Variants in KBTBD12 observed in about 807,000 individuals in gnomAD.
The protein encoded by KBTBD12 is kelch repeat and BTB domain-containing protein 12.
A neutral mutation model predicts 58.7 loss-of-function variants in KBTBD12; 53 were observed. The observed-to-expected ratio is 0.90, with a 90% confidence interval of 0.72 to 1.14. The LOEUF (loss-of-function observed/expected upper bound fraction) is 1.14, where lower values mean the gene tolerates loss of function less well. Among genes scored for constraint, KBTBD12 ranks in the 50% most tolerant of loss-of-function variants. The pLI is 0.00. For synonymous variants in KBTBD12, 236 were observed against 259.8 expected (o/e 0.91, Z 0.88); for missense variants, 704 against 751.3 (o/e 0.94, Z 0.74).
In KBTBD12 at chr3:127,930,190, C is replaced by G. The variant is rs376260365; in HGVS notation, c.1399C>G (p.Pro467Ala). The G allele has an allele frequency of 1.2e-6, 2 of 1,605,634 alleles. No homozygotes were observed. The highest frequency in any genetic ancestry group is 1.7e-5 in the Admixed American group (1 of 58,852). The stretch of plus-strand genomic sequence containing the variant: ...AAGCAACAAACTGTTGCAGTATGAC[C>G]CCAGCCAAGATCAATGGAGTGTGCG... Reference protein sequence around the residue: ...RLSNKLLQYDPSQDQWSVRAP... With the variant: ...RLSNKLLQYDASQDQWSVRAP... The change falls in exon 4 of 6, where the codon CCC becomes GCC. Residue 467 changes from proline (P) to alanine (A), a missense_variant. By Grantham distance (27) the Pro-to-Ala change is conservative. Coordinates refer to ENST00000405109, the MANE Select transcript of KBTBD12 (RefSeq NM_207335.4).
At chr3:127,937,982 T>A (rs1399031999) in intron 4 of KBTBD12, among the ~76,000 whole-genome samples, 1 of 152,020 alleles carries the variant, frequency 6.6e-6, no homozygotes, top group Non-Finnish European at 1.5e-5. Context: ...ACGGATGAAA[T>A]AAAGACATTT....
intron 4 of KBTBD12, among the ~76,000 whole-genome samples, chr3:127,944,980 A>G (rs964727306): frequency 1.3e-5 from 2 of 151,568 alleles, no homozygotes; most frequent in African/African-American, 2.4e-5. Flanking sequence ...TCCCAGGCTC[A>G]GGTGCTCTTC....
At chr3:127,982,145 A>C (rs1259866219) in intron 5 of KBTBD12, among the ~76,000 whole-genome samples, 1 of 152,180 alleles carries the variant, frequency 6.6e-6, no homozygotes, top group Non-Finnish European at 1.5e-5. Flanking sequence ...TGGTTCAGTT[A>C]GCAGGAGGAA....
At chr3:127,937,437 A>T (rs148265839) in intron 4 of KBTBD12, among the ~76,000 whole-genome samples, 2 of 152,286 alleles carry the variant, frequency 1.3e-5, no homozygotes, top group Middle Eastern at 3.4e-3. Context: ...ACACAAAGAT[A>T]AAGAGAAAAT....
At chr3:127,916,187 CTTAT>C (rs761037362) in intron 1 of KBTBD12, among the ~76,000 whole-genome samples, 9 of 152,162 alleles carry the variant, frequency 5.9e-5, no homozygotes, top group Admixed American at 3.3e-4. Context: ...GAAAACTGGT[CTTAT>C]TTGTCTTTAT....
intron 5 of KBTBD12, among the ~76,000 whole-genome samples, chr3:127,981,801 G>A (rs577716764): frequency 1.3e-5 from 2 of 152,272 alleles, no homozygotes; most frequent in South Asian, 2.1e-4. Flanking sequence ...TTAGCTGGGA[G>A]TGGTGGCGGG....
chr3:127,951,906 A>G (rs1940212575), intron 4 of KBTBD12, among the ~76,000 whole-genome samples: 1 of 148,624 alleles, frequency 6.7e-6, no homozygotes, highest in South Asian at 2.3e-4. Context: ...ACTCTTAAGT[A>G]GATAAGCTAC....
At chr3:127,929,902 T>C (rs1939662307) in intron 3 of KBTBD12, among the ~76,000 whole-genome samples, 1 of 152,044 alleles carries the variant, frequency 6.6e-6, no homozygotes, top group African/African-American at 2.4e-5. Context: ...AGATCACAAA[T>C]TGTTTGCTAT....
At chr3:127,949,417 C>G (rs2107603234) in intron 4 of KBTBD12, among the ~76,000 whole-genome samples, 1 of 152,228 alleles carries the variant, frequency 6.6e-6, no homozygotes, top group Non-Finnish European at 1.5e-5. Flanking sequence ...TAATTTATCT[C>G]TAAATGAGGG....
intron 5 of KBTBD12, among the ~76,000 whole-genome samples, chr3:127,977,918 T>C: frequency 6.6e-6 from 1 of 152,246 alleles, no homozygotes; most frequent in East Asian, 1.9e-4. Flanking sequence ...ATGTCCAGAA[T>C]GGTATTTCCT....
intron 4 of KBTBD12, among the ~76,000 whole-genome samples, chr3:127,949,915 G>A (rs913117541): frequency 2.0e-5 from 3 of 152,168 alleles, no homozygotes; most frequent in Non-Finnish European, 2.9e-5. Flanking sequence ...AGCTAATTTT[G>A]ACCTCTGACT....
chr3:127,928,170 T>A, intron 3 of KBTBD12, 136 bp downstream of exon 3: 1 of 742,172 alleles, frequency 1.3e-6, no homozygotes, highest in Non-Finnish European at 2.2e-6. Flanking sequence ...TTATAGAATA[T>A]AACTCAAGGT....
intron 2 of KBTBD12, 71 bp from the exon 3 acceptor site, chr3:127,927,693 A>G (rs1939608347): frequency 4.4e-6 from 5 of 1,129,700 alleles, no homozygotes; most frequent in Non-Finnish European, 6.0e-6. Flanking sequence ...CAGAAAATAA[A>G]TAAGTGTATT....
Position 127,924,130 on chromosome 3 carries a change from A to G in KBTBD12, c.1069A>G (p.Arg357Gly). 6.3e-7 allele frequency: 1 copy of G among 1,589,754 alleles called. No individual in the cohort carries two copies. Among genetic ancestry groups the G allele is most frequent in the Non-Finnish European group, 8.6e-7 (1 of 1,164,214 alleles). Residue 357 changes from arginine to glycine, a missense_variant and splice_region_variant, in exon 2 of 6, where the codon AGG (arginine) becomes GGG (glycine). Transcript: ENST00000405109. ...AAAGAACAAGAATGTTGAAATTTAT[A>G]GGTTTGTATCTAGCAGCAAATTTGC... is the stretch of plus-strand genomic sequence containing the variant. ...RQKNKNVEIY[R>G]YHDRGNQFWE...
intron 1 of KBTBD12, among the ~76,000 whole-genome samples, chr3:127,917,809 TAGAGA>T (rs1939290886): frequency 6.6e-6 from 1 of 152,178 alleles, no homozygotes; most frequent in Admixed American, 6.5e-5. Flanking sequence ...GTACAAAACC[TAGAGA>T]AAAGTTATCA....
chr3:127,933,825 A>G (rs563762383), intron 4 of KBTBD12, among the ~76,000 whole-genome samples: 2 of 152,272 alleles, frequency 1.3e-5, no homozygotes, highest in African/African-American at 4.8e-5. Flanking sequence ...TAAAAATGAT[A>G]ATTTCTGAAA....
chr3:127,935,093 T>C (rs9820842), intron 4 of KBTBD12, among the ~76,000 whole-genome samples: 89,633 of 151,942 alleles, frequency 0.59, 27,501 homozygotes, highest in African/African-American at 0.76. Context: ...TGCTCCTCAA[T>C]TTACAGTGGC....
chr3:127,937,252 T>C (rs545262866), intron 4 of KBTBD12, among the ~76,000 whole-genome samples: 5 of 152,118 alleles, frequency 3.3e-5, no homozygotes, highest in African/African-American at 1.2e-4. Flanking sequence ...GTCAGACAAA[T>C]AGTGTGCTTA....
At chr3:127,950,603 AC>A (rs1455758514) in intron 4 of KBTBD12, among the ~76,000 whole-genome samples, 1 of 152,168 alleles carries the variant, frequency 6.6e-6, no homozygotes, top group African/African-American at 2.4e-5. Context: ...GGTGCTAAGG[AC>A]CCAGCGATGA....
Sources: gnomAD v4.1 joint callset for allele counts (sites outside exome capture counted in the v4.1 genomes callset) on GRCh38, gnomAD v4.1.1 for gene constraint, MANE v1.5 for transcripts, NCBI Gene and HGNC (gene_info 2026-07-23, HGNC 2026-07-21) for gene names.